HSD17B3: variants seen among roughly 807,000 people sequenced by gnomAD.
HSD17B3 encodes the protein 17-beta-hydroxysteroid dehydrogenase type 3.
In HSD17B3, 29 loss-of-function variants were observed where a neutral mutation model predicts 41.1. The observed-to-expected ratio is 0.71, with a 90% CI of 0.53 to 0.96. The LOEUF (loss-of-function observed/expected upper bound fraction) is 0.96. Ranked by LOEUF, HSD17B3 falls within the 40% of genes least tolerant of loss-of-function variation. The pLI is 0.00. For synonymous variants in HSD17B3, 126 were observed against 145.6 expected (o/e 0.87, Z 0.97); for missense variants, 323 against 374.6 (o/e 0.86, Z 1.14).
intron 5 of HSD17B3, 157 bp downstream of exon 5, chr9:96,251,261 G>A (rs1836891288): frequency 3.1e-6 from 2 of 647,064 alleles, no homozygotes; most frequent in South Asian, 3.6e-5. Context: ...TGGATCGAGT[G>A]CTAAGGTGAA....
chr9:96,235,496 A>C lies in HSD17B3; in HGVS notation c.897T>G (p.Tyr299Ter). The change falls in exon 11 of 11, where the codon TAT becomes TAG. Residue 299 changes from tyrosine to a stop codon, truncating the protein, a stop_gained. Coordinates refer to ENST00000375263, the MANE Select transcript of HSD17B3 (RefSeq NM_000197.2). LOFTEE classifies it low-confidence loss of function (END_TRUNC). Reference sequence around the variant, plus strand: ...TGGTGTTGAGCTTCAGGTATGCCACATAGTGTGTCAGGAGCAGCCTTTGGA... The same window carrying C: ...TGGTGTTGAGCTTCAGGTATGCCACCTAGTGTGTCAGGAGCAGCCTTTGGA... ...GAFQRLLLTH[Y>*]VAYLKLNTKV... 1 of 1,614,110 alleles carries C rather than the reference A, an allele frequency of 6.2e-7. No homozygotes were observed. Among genetic ancestry groups the C allele is most frequent in the South Asian group, 1.1e-5 (1 of 91,038 alleles).
At chr9:96,275,314 T>G (rs1452665337) in intron 2 of HSD17B3, among the ~76,000 whole-genome samples, 1 of 152,078 alleles carries the variant, frequency 6.6e-6, no homozygotes, top group Non-Finnish European at 1.5e-5. Context: ...GGGAAAATAT[T>G]TGGATAAATA....
chr9:96,240,683 G>C, intron 10 of HSD17B3, 75 bp downstream of exon 10: 2 of 1,453,788 alleles, frequency 1.4e-6, no homozygotes, highest in African/African-American at 2.8e-5. Flanking sequence ...GCAAGGAAGA[G>C]CTAGCCCAGC....
intron 2 of HSD17B3, among the ~76,000 whole-genome samples, chr9:96,294,873 A>T (rs1827286286): frequency 6.6e-6 from 1 of 152,188 alleles, no homozygotes; most frequent in Non-Finnish European, 1.5e-5. Flanking sequence ...TTCACCAGTA[A>T]GTTGCTATAC....
Position 96,240,858 on chromosome 9 carries a change from G to T in HSD17B3, c.722C>A (p.Thr241Lys). ...VSTAMTKYLN[T>K]NVITKTADEF... ...ATCAGCAGTCTTGGTTATCACATTT[G>T]TATTTAGATACTTTGTCATTGCAGT... Residue 241 changes from threonine (T) to lysine (K), a missense_variant, in exon 10 of 11, where the codon ACA becomes AAA. By Grantham distance (78) the Thr-to-Lys change is moderately conservative (BLOSUM62 -1). Coordinates refer to ENST00000375263, the MANE Select transcript of HSD17B3 (RefSeq NM_000197.2). 1.2e-6 allele frequency: 2 copies of T among 1,614,190 alleles called. No homozygotes were observed. Among genetic ancestry groups the T allele is most frequent in the East Asian group, 2.2e-5 (1 of 44,892 alleles).
intron 2 of HSD17B3, among the ~76,000 whole-genome samples, chr9:96,288,378 G>A (rs906059392): frequency 6.6e-6 from 1 of 152,198 alleles, no homozygotes; most frequent in Admixed American, 6.5e-5. Flanking sequence ...TCTCACAGGT[G>A]ATTTTCAGCC....
At chr9:96,271,181 T>A (rs1036722756) in intron 2 of HSD17B3, among the ~76,000 whole-genome samples, 19 of 152,094 alleles carry the variant, frequency 1.2e-4, no homozygotes, top group African/African-American at 4.6e-4. Flanking sequence ...AGAGACATGG[T>A]ACATCCATGG....
At chr9:96,298,319 C>T (rs1022071899) in intron 2 of HSD17B3, 97 bp downstream of exon 2, 4 of 952,312 alleles carry the variant, frequency 4.2e-6, no homozygotes, top group Admixed American at 1.7e-5. Context: ...TGAATGCATA[C>T]TGCTTTTATA....
intron 2 of HSD17B3, among the ~76,000 whole-genome samples, chr9:96,296,505 T>C (rs1827362564): frequency 6.6e-6 from 1 of 152,106 alleles, no homozygotes; most frequent in African/African-American, 2.4e-5. Context: ...CAGAAATGGG[T>C]GTAATTACTA....
chr9:96,261,407 C>G (rs962689504), intron 2 of HSD17B3, among the ~76,000 whole-genome samples: 1 of 152,182 alleles, frequency 6.6e-6, no homozygotes, highest in African/African-American at 2.4e-5. Context: ...TGTTTCCAGG[C>G]TGGTCTCTAA....
chr9:96,278,908 G>C (rs887994981), intron 2 of HSD17B3, among the ~76,000 whole-genome samples: 22 of 152,172 alleles, frequency 1.4e-4, no homozygotes, highest in Admixed American at 1.3e-3. Flanking sequence ...ACCTGTTCTT[G>C]AAAGCTCAGT....
At chr9:96,238,061 G>A (rs1836297580) in intron 10 of HSD17B3, among the ~76,000 whole-genome samples, 1 of 152,324 alleles carries the variant, frequency 6.6e-6, no homozygotes, top group African/African-American at 2.4e-5. Context: ...CTTGAGCCCA[G>A]GAGTTCAAAG....
chr9:96,254,267 A>G (rs1825540393), intron 3 of HSD17B3, among the ~76,000 whole-genome samples: 1 of 152,176 alleles, frequency 6.6e-6, no homozygotes, highest in African/African-American at 2.4e-5. Flanking sequence ...GACAAACACC[A>G]GTAAGCATTG....
At chr9:96,270,247 T>TACACACAC (rs35263931) in intron 2 of HSD17B3, among the ~76,000 whole-genome samples, 50 of 147,382 alleles carry the variant, frequency 3.4e-4, no homozygotes, top group African/African-American at 1.2e-3. Context: ...CCCAAACACA[T>TACACACAC]ACACACACAC....
intron 2 of HSD17B3, among the ~76,000 whole-genome samples, chr9:96,295,821 AT>A (rs913271675): frequency 5.3e-5 from 8 of 152,236 alleles, no homozygotes; most frequent in African/African-American, 1.9e-4. Flanking sequence ...TATGAACCGA[AT>A]GTTTTGTGGC....
At chr9:96,290,084 C>T (rs416699) in intron 2 of HSD17B3, among the ~76,000 whole-genome samples, 108,322 of 151,848 alleles carry the variant, frequency 0.71, 39,634 homozygotes, top group African/African-American at 0.81. Context: ...GGAGTGGAAA[C>T]GGTGTGAAAA....
Position 96,249,777 on chromosome 9 carries a change from G to C in HSD17B3, c.463C>G (p.His155Asp). The change falls in exon 6 of 11, where the codon CAT becomes GAT. Residue 155 changes from histidine to aspartate, a missense_variant. Coordinates refer to ENST00000375263, the MANE Select transcript of HSD17B3 (RefSeq NM_000197.2). ...TTGACTACGGAGGTGATGTTACAAT[G>C]GATGAGGCTCTGTAATAAATAATCA... Reference protein sequence around the residue: ...NAPDEIQSLIHCNITSVVKMT... With the variant: ...NAPDEIQSLIDCNITSVVKMT... The C allele has an allele frequency of 6.2e-7, 1 of 1,614,030 alleles. No homozygotes were observed. The highest frequency in any genetic ancestry group is 8.5e-7 in the Non-Finnish European group (1 of 1,179,932).
intron 5 of HSD17B3, chr9:96,250,352 A>G (rs1836846504): frequency 9.3e-7 from 1 of 1,076,112 alleles, no homozygotes; most frequent in Admixed American, 4.7e-5. Context: ...AGTGTGGGAG[A>G]CAGAGCCCAC....
At chr9:96,242,524 C>T (rs1270097246) in intron 9 of HSD17B3, among the ~76,000 whole-genome samples, 1 of 152,188 alleles carries the variant, frequency 6.6e-6, no homozygotes, top group Non-Finnish European at 1.5e-5. Context: ...TCAAACCCAA[C>T]TCCACAGTAC....
Sources: allele counts gnomAD v4.1 joint callset (sites outside exome capture counted in the v4.1 genomes callset), GRCh38; gene constraint gnomAD v4.1.1; transcripts MANE v1.5; gene names NCBI Gene and HGNC (gene_info 2026-07-23, HGNC 2026-07-21).